Variants in ZNF254 observed in about 807,000 individuals in gnomAD.
The protein encoded by ZNF254 is CTD-2017D11.1.
A neutral mutation model predicts 12.4 loss-of-function variants in ZNF254; 10 were observed. The ratio of observed to expected loss-of-function variants is 0.80; its 90% CI spans 0.50 to 1.36. The LOEUF is 1.36. Ranked by LOEUF, ZNF254 falls within the 40% of genes most tolerant of loss-of-function variation. ZNF254 has a pLI of 0.00. For synonymous variants in ZNF254, 305 were observed against 253.4 expected (o/e 1.20, Z -1.93); for missense variants, 996 against 763.9 (o/e 1.30, Z -3.58).
chr19:24,081,721 C>T lies in ZNF254; in HGVS notation c.-93-24219C>T, dbSNP rs761215272. On this transcript the variant is annotated intron_variant, in intron 2 of 4. Coordinates refer to the ZNF254 transcript ENST00000613065. ...CAAATAGACTATACTCAGATGCCCC[C>T]GTGTAAAGGGTTTAAATATTGATTA... 7.9e-5 allele frequency among the ~76,000 whole-genome samples: 12 copies of T among 152,204 alleles called. No individual in the cohort carries two copies. In the East Asian group the frequency reaches 1.5e-3, roughly 20 times the overall value.
intron 2 of ZNF254, among the ~76,000 whole-genome samples, chr19:24,065,308 C>T (rs1309515809): frequency 5.3e-5 from 8 of 152,322 alleles, no homozygotes; most frequent in Non-Finnish European, 1.0e-4. Flanking sequence ...ACTCTTCTTC[C>T]TATGCCCTGC....
At chr19:24,060,672 C>A (rs1971032718) in intron 2 of ZNF254, among the ~76,000 whole-genome samples, 1 of 152,200 alleles carries the variant, frequency 6.6e-6, no homozygotes, top group Admixed American at 6.5e-5. Context: ...TTCTATTCTT[C>A]TGCATTATCC....
chr19:24,058,887 G>A (rs1263328326), intron 2 of ZNF254, among the ~76,000 whole-genome samples: 1 of 152,166 alleles, frequency 6.6e-6, no homozygotes, highest in Non-Finnish European at 1.5e-5. Flanking sequence ...CTGCCTGCAG[G>A]AGCCATTGTC....
At chr19:24,080,263 A>G (rs1039850482) in intron 2 of ZNF254, 42 of 152,324 alleles carry the variant, frequency 2.8e-4, no homozygotes, top group African/African-American at 9.6e-4. Context: ...CTTGGGTTGA[A>G]CAAGGGAAGC....
intron 2 of ZNF254, chr19:24,046,373 T>TTTTATATATATATATATATATA (rs1555750840): frequency 9.4e-5 from 9 of 95,492 alleles, no homozygotes; most frequent in South Asian, 3.4e-4. Flanking sequence ...TTATTATTTT[T>TTTTATATATATATATATATATA]TATATATATA....
intron 3 of ZNF254, among the ~76,000 whole-genome samples, chr19:24,123,928 TA>T (rs1403998750): frequency 1.3e-5 from 2 of 152,050 alleles, no homozygotes; most frequent in African/African-American, 4.8e-5. Context: ...AATATTTTAA[TA>T]AAACTATTTA....
rs373395030 is a variant in ZNF254, at chr19:24,127,874, C to G, written c.1874C>G (p.Thr625Ser). The change falls in exon 4 of 4, where the codon ACT becomes AGT. Residue 625 changes from threonine to serine, a missense_variant. Thr to Ser is a moderately conservative substitution (Grantham distance 58). Coordinates refer to ENST00000357002, the MANE Select transcript of ZNF254 (RefSeq NM_203282.4). Reference protein sequence around the residue: ...STLTKHKRIHTGEQPYKWEKF... With the variant: ...STLTKHKRIHSGEQPYKWEKF... ...CTAACTAAACATAAGAGAATTCATA[C>G]TGGAGAGCAACCCTACAAATGGGAA... 1 of 1,613,172 alleles carries G rather than the reference C, an allele frequency of 6.2e-7. No individual in the cohort carries two copies. The highest frequency in any genetic ancestry group is 1.7e-5 in the Admixed American group (1 of 59,882).
At chr19:24,062,623 A>G (rs987646996) in intron 2 of ZNF254, among the ~76,000 whole-genome samples, 3 of 152,220 alleles carry the variant, frequency 2.0e-5, no homozygotes, top group Admixed American at 6.5e-5. Flanking sequence ...CACCCAGTCA[A>G]TACCAAAGAT....
At chr19:24,049,209 TATATA>T (rs1456169926) in intron 2 of ZNF254, among the ~76,000 whole-genome samples, 11 of 60,036 alleles carry the variant, frequency 1.8e-4, no homozygotes, top group South Asian at 5.6e-4. Context: ...TATATATATA[TATATA>T]TTTTTTTTTT....
chr19:24,087,332 G>C lies in ZNF254; in HGVS notation c.25G>C (p.Glu9Gln). The C allele has an allele frequency of 6.2e-7, 1 of 1,613,698 alleles. No homozygotes were observed. The highest frequency in any genetic ancestry group is 8.5e-7 in the Non-Finnish European group (1 of 1,179,752). MPGPPRSL[E>Q]MGLLTFRDVA... ...GATGCCAGGACCCCCTAGAAGCCTA[G>C]AAATGGTGAGAATGCCAGTCCGACA... is the stretch of plus-strand genomic sequence containing the variant. The change falls in exon 1 of 4, where the codon GAA (glutamate) becomes CAA (glutamine). Residue 9 changes from glutamate to glutamine, a missense_variant. Physicochemically the swap from Glu to Gln is conservative, Grantham distance 29. Transcript: ENST00000357002.
At chr19:24,085,926 G>T (rs1167298073), upstream of ZNF254, among the ~76,000 whole-genome samples, 1 of 152,016 alleles carries the variant, frequency 6.6e-6, no homozygotes, top group East Asian at 1.9e-4. Context: ...TTAAAAAATG[G>T]CCAGGCACGA....
chr19:24,126,567 A>G lies in ZNF254; in HGVS notation c.567A>G (p.Lys189=). ...KKSFKCKKRV[K]LFCMLSHKTQ... Reference sequence around the variant, plus strand: ...CTTTCAAATGTAAAAAACGTGTCAAATTATTTTGCATGCTTTCACATAAAA... The same window carrying G: ...CTTTCAAATGTAAAAAACGTGTCAAGTTATTTTGCATGCTTTCACATAAAA... Residue 189 remains lysine, a synonymous_variant, in exon 4 of 4, where the codon AAA becomes AAG. Transcript: ENST00000357002. 6.2e-7 allele frequency: 1 copy of G among 1,605,154 alleles called. No individual in the cohort carries two copies. The highest frequency in any genetic ancestry group is 1.1e-5 in the South Asian group (1 of 88,746).
chr19:24,058,948 A>G (rs1002418609), intron 2 of ZNF254, among the ~76,000 whole-genome samples: 1 of 152,168 alleles, frequency 6.6e-6, no homozygotes, highest in Admixed American at 6.5e-5. Context: ...TTTACTGCCT[A>G]GTTCCTTCTC....
intron 2 of ZNF254, among the ~76,000 whole-genome samples, chr19:24,058,827 A>G (rs1383170720): frequency 6.6e-6 from 1 of 152,152 alleles, no homozygotes; most frequent in Non-Finnish European, 1.5e-5. Flanking sequence ...GTTCACTGTG[A>G]CATATTACTG....
chr19:24,039,985 G>C (rs1476370178), intron 1 of ZNF254, among the ~76,000 whole-genome samples: 1 of 152,178 alleles, frequency 6.6e-6, no homozygotes, highest in Non-Finnish European at 1.5e-5. Flanking sequence ...GCAAAATAGA[G>C]AAGAGGCTTA....
intron 1 of ZNF254, among the ~76,000 whole-genome samples, chr19:24,088,962 ATCTTTTTTTT>A (rs1280742517): frequency 7.9e-6 from 1 of 126,060 alleles, no homozygotes; most frequent in African/African-American, 3.1e-5. Flanking sequence ...TGGCCAATTA[ATCTTTTTTTT>A]TTTTTTTTTT....
chr19:24,047,452 A>G (rs1000423452), intron 2 of ZNF254, among the ~76,000 whole-genome samples: 6 of 151,578 alleles, frequency 4.0e-5, no homozygotes, highest in African/African-American at 1.5e-4. Context: ...TTCTTGTAGT[A>G]GAGACGAGGC....
intron 1 of ZNF254, among the ~76,000 whole-genome samples, chr19:24,088,964 CTTTTTTTTT>C (rs74175785): frequency 4.0e-5 from 4 of 99,292 alleles, no homozygotes; most frequent in East Asian, 6.8e-4. Flanking sequence ...GCCAATTAAT[CTTTTTTTTT>C]TTTTTTTTTT....
chr19:24,106,686 C>G, intron 3 of ZNF254, 43 bp downstream of exon 3: 2 of 1,471,042 alleles, frequency 1.4e-6, no homozygotes. Context: ...ATGAGAGGTC[C>G]AAAGTCAAGA....
Sources: allele counts gnomAD v4.1 joint callset (sites outside exome capture counted in the v4.1 genomes callset), GRCh38; gene constraint gnomAD v4.1.1; transcripts MANE v1.5; gene names NCBI Gene and HGNC (gene_info 2026-07-23, HGNC 2026-07-21).